PLA2G6: variants seen among roughly 807,000 people sequenced by gnomAD.
The protein encoded by PLA2G6 is 85/88 kDa calcium-independent phospholipase A2.
Under a neutral mutation model 83.8 loss-of-function variants are expected in PLA2G6, and 62 were observed. The observed-to-expected ratio is 0.74, with a 90% CI of 0.60 to 0.91. PLA2G6 has a LOEUF of 0.91. Among genes scored for constraint, PLA2G6 ranks in the 40% least tolerant of loss-of-function variants. The probability of loss-of-function intolerance (pLI) is 0.00; values close to 1 mark genes in which losing one functional copy is unlikely to be tolerated. For missense variants in PLA2G6, 944 were observed against 1,102.0 expected, an observed-to-expected ratio of 0.86 and a Z score of 2.03; for synonymous variants, 417 against 449.8, an observed-to-expected ratio of 0.93 and a Z score of 0.92.
At chr22:38,177,698 C>T (rs138595918) in intron 1 of PLA2G6, among the ~76,000 whole-genome samples, 11,056 of 151,974 alleles carry the variant, frequency 0.073, 710 homozygotes, top group African/African-American at 0.16. Context: ...TCCTGACCTC[C>T]GGTGATCCGC....
At chr22:38,114,181 C>CTTTTT (rs892300892) in intron 14 of PLA2G6, among the ~76,000 whole-genome samples, 1 of 137,590 alleles carries the variant, frequency 7.3e-6, no homozygotes, top group African/African-American at 2.7e-5. Context: ...TGGGTGCTGC[C>CTTTTT]TTTTTTTTTT....
chr22:38,126,374 C>A lies in PLA2G6; in HGVS notation c.1424G>T (p.Arg475Leu), dbSNP rs139184008. ...FILGSMRDEK[R>L]THDHLLCLDG... is the part of the protein sequence containing the mutation. The stretch of plus-strand genomic sequence containing the variant: ...CCCCCGATCTCGATCCACTTACGTC[C>A]GCTTCTCGTCCCTCATGGAGCCCAG... The change falls in exon 10 of 17, where the codon CGG becomes CTG. Residue 475 changes from arginine to leucine, a missense_variant. Arg to Leu is a moderately radical substitution (Grantham distance 102). Coordinates refer to ENST00000332509, the MANE Select transcript of PLA2G6 (RefSeq NM_003560.4). 3.1e-6 allele frequency: 5 copies of A among 1,612,378 alleles called. No homozygotes were observed. The South Asian group carries it at 4.4e-5, about 14-fold the overall frequency.
Position 38,140,051 on chromosome 22 carries a change from T to C in PLA2G6, c.728A>G (p.Asn243Ser). 2.5e-6 allele frequency: 4 copies of C among 1,613,670 alleles called. No individual in the cohort carries two copies. Among genetic ancestry groups the C allele is most frequent in the South Asian group, 1.1e-5 (1 of 90,918 alleles). The change falls in exon 5 of 17, where the codon AAT becomes AGT. Residue 243 changes from asparagine (N) to serine (S), a missense_variant. Transcript: ENST00000332509. ...QEMVRVLLLC[N>S]ARCNIMGPNG... ...GGGGCCCATGATGTTGCACCGAGCATTGCACAGCAGCAGCACGCGGACCAT... is the reference window on the plus strand; with the variant it reads ...GGGGCCCATGATGTTGCACCGAGCACTGCACAGCAGCAGCACGCGGACCAT...
intron 12 of PLA2G6, among the ~76,000 whole-genome samples, chr22:38,120,430 G>A (rs1448342499): frequency 6.6e-6 from 1 of 152,242 alleles, no homozygotes; most frequent in African/African-American, 2.4e-5. Context: ...GGGTGGCCCA[G>A]GCTCTCTCCA....
intron 6 of PLA2G6, 74 bp from the exon 7 acceptor site, chr22:38,133,087 C>T: frequency 1.4e-6 from 2 of 1,387,900 alleles, no homozygotes; most frequent in South Asian, 2.5e-5. Flanking sequence ...GTGGGCACTG[C>T]CACTTCTGCT....
rs1212267501 is a variant in PLA2G6, at chr22:38,145,518, A to T, written c.345T>A (p.Arg115=). The change falls in exon 3 of 17, where the codon CGT becomes CGA. Residue 115 remains arginine, a synonymous_variant. Transcript: ENST00000332509. The part of the protein sequence containing the change: ...EVLQHLTDLI[R]NHPSWSVAHL... ...GGGCCACTGACCAGCTGGGGTGGTT[A>T]CGGATGAGGTCGGTCAGGTGCTGCA... The T allele has an allele frequency of 6.2e-7, 1 of 1,613,238 alleles. No individual in the cohort carries two copies. Among genetic ancestry groups the T allele is most frequent in the Non-Finnish European group, 8.5e-7 (1 of 1,179,822 alleles).
At chr22:38,140,469 T>C (rs920651189) in intron 4 of PLA2G6, 9 of 388,128 alleles carry the variant, frequency 2.3e-5, no homozygotes, top group East Asian at 1.2e-4. Flanking sequence ...GATTGCATCA[T>C]TGCACTCTAG....
intron 2 of PLA2G6, chr22:38,148,488 C>T: frequency 2.8e-6 from 2 of 716,764 alleles, no homozygotes; most frequent in East Asian, 5.4e-5. Context: ...ACACTGATGA[C>T]TCACCAGGCT....
chr22:38,171,261 T>C (rs2090430496), intron 1 of PLA2G6, among the ~76,000 whole-genome samples: 1 of 152,160 alleles, frequency 6.6e-6, no homozygotes, highest in South Asian at 2.1e-4. Flanking sequence ...ATGATGTCTA[T>C]CTGGAATGTT....
In PLA2G6 at chr22:38,140,029, G is replaced by A. The variant is rs1447940145; in HGVS notation, c.750C>T (p.Gly250=). ...CCGAGTGGATGGGGTAGCCGTTGGG[G>A]CCCATGATGTTGCACCGAGCATTGC... ...LLCNARCNIM[G]PNGYPIHSAM... Residue 250 remains glycine, a synonymous_variant, in exon 5 of 17, where the codon GGC becomes GGT. Transcript: ENST00000332509. 4 of 1,612,138 alleles carry A rather than the reference G, an allele frequency of 2.5e-6. No homozygotes were observed. Among genetic ancestry groups the A allele is most frequent in the Non-Finnish European group, 2.5e-6 (3 of 1,179,096 alleles).
At chr22:38,125,424 G>T (rs369883634) in intron 10 of PLA2G6, among the ~76,000 whole-genome samples, 75 of 152,326 alleles carry the variant, frequency 4.9e-4, no homozygotes, top group Admixed American at 8.5e-4. Flanking sequence ...CAACAGGGTA[G>T]CATGGAAGTG....
chr22:38,178,735 G>A (rs187926303), intron 1 of PLA2G6, among the ~76,000 whole-genome samples: 274 of 152,132 alleles, frequency 1.8e-3, no homozygotes, highest in African/African-American at 6.4e-3. Flanking sequence ...GTGTGGTGGC[G>A]TGCACCTGTA....
At chr22:38,148,284 G>C (rs928536575) in intron 2 of PLA2G6, 10 of 519,066 alleles carry the variant, frequency 1.9e-5, no homozygotes, top group African/African-American at 1.8e-4. Flanking sequence ...AGCAAATAAA[G>C]GAAAGGATAG....
At chr22:38,118,485 A>G (rs1032532551) in intron 12 of PLA2G6, among the ~76,000 whole-genome samples, 7 of 152,220 alleles carry the variant, frequency 4.6e-5, no homozygotes, top group African/African-American at 1.7e-4. Flanking sequence ...TTTACTTAAC[A>G]GTACCTGGAG....
At chr22:38,154,548 T>A (rs963124929) in intron 2 of PLA2G6, among the ~76,000 whole-genome samples, 1 of 152,254 alleles carries the variant, frequency 6.6e-6, no homozygotes, top group Non-Finnish European at 1.5e-5. Context: ...ATTAGTAGGC[T>A]TGGGGTGCCC....
At chr22:38,130,508 AG>A (rs1302207489) in intron 7 of PLA2G6, 1 of 151,542 alleles carries the variant, frequency 6.6e-6, no homozygotes. Flanking sequence ...TAGTAGAGAC[AG>A]GGTTTCACCA....
Position 38,143,233 on chromosome 22 carries a change from G to A in PLA2G6, c.481C>T (p.Arg161Cys), listed in dbSNP as rs767260174. 3.4e-5 allele frequency: 55 copies of A among 1,613,992 alleles called. No homozygotes were observed. Among genetic ancestry groups the A allele is most frequent in the Admixed American group, 5.0e-5 (3 of 60,004 alleles). ...ACCAGGATCTCCCCATCACCCTTGC[G>A]GCAGGCCAGGTGCAGGGGTGTGCAG... ...EGCTPLHLAC[R>C]KGDGEILVEL... Residue 161 changes from arginine to cysteine, a missense_variant, in exon 4 of 17, where the codon CGC becomes TGC. Physicochemically the swap from Arg to Cys is radical, Grantham distance 180 (BLOSUM62 -3). Transcript: ENST00000332509.
At chr22:38,140,337 GTCTCT>G in intron 4 of PLA2G6, 168 bp from the exon 5 acceptor site, 1 of 647,422 alleles carries the variant, frequency 1.5e-6, no homozygotes. Context: ...GTGAAATGTC[GTCTCT>G]TCTAACGATA....
chr22:38,159,956 G>A (rs2089945474), intron 2 of PLA2G6, among the ~76,000 whole-genome samples: 1 of 152,196 alleles, frequency 6.6e-6, no homozygotes, highest in Non-Finnish European at 1.5e-5. Flanking sequence ...AACACCGTGT[G>A]TGCAGCTGAA....
Sources: allele counts gnomAD v4.1 joint callset (sites outside exome capture counted in the v4.1 genomes callset), GRCh38; gene constraint gnomAD v4.1.1; transcripts MANE v1.5; gene names NCBI Gene and HGNC (gene_info 2026-07-23, HGNC 2026-07-21).